The following SI variants were observed in gnomAD, a reference collection of about 807,000 sequenced individuals.
SI encodes sucrase-isomaltase, intestinal.
SI carries 235 observed loss-of-function variants against 253.3 expected under a neutral mutation model. The ratio of observed to expected loss-of-function variants is 0.93; its 90% CI spans 0.83 to 1.03. SI has a LOEUF of 1.03. Ranked by LOEUF, SI falls within the 50% of genes least tolerant of loss-of-function variation. SI has a pLI of 0.00. For missense variants in SI, 2,442 were observed against 2,211.1 expected (o/e 1.10, Z -2.09); for synonymous variants, 819 against 712.0 (o/e 1.15, Z -2.39).
At chr3:165,029,590 G>GTA (rs1235412233) in intron 25 of SI, among the ~76,000 whole-genome samples, 5 of 143,854 alleles carry the variant, frequency 3.5e-5, no homozygotes, top group East Asian at 2.0e-4. Flanking sequence ...ACATATATAT[G>GTA]TATATATATA....
At chr3:165,016,202 T>A in intron 31 of SI, 122 bp from the exon 32 acceptor site, 1 of 813,144 alleles carries the variant, frequency 1.2e-6, no homozygotes, top group Admixed American at 1.9e-5. Context: ...CACTAGATCC[T>A]AAAAAGAATT....
chr3:165,025,407 A>C (rs1711859872), intron 25 of SI, among the ~76,000 whole-genome samples: 1 of 151,220 alleles, frequency 6.6e-6, no homozygotes, highest in African/African-American at 2.4e-5. Flanking sequence ...GGGAAATCTA[A>C]AAATTTGGAA....
intron 2 of SI, 39 bp from the exon 3 acceptor site, chr3:165,074,706 T>C (rs753192847): frequency 6.6e-7 from 1 of 1,508,986 alleles, no homozygotes; most frequent in South Asian, 1.1e-5. Flanking sequence ...AAACATGACA[T>C]TAAATTAATT....
intron 25 of SI, among the ~76,000 whole-genome samples, chr3:165,024,434 G>T (rs1024218964): frequency 3.3e-5 from 5 of 151,230 alleles, no homozygotes; most frequent in African/African-American, 1.2e-4. Flanking sequence ...ATTTTGGAGA[G>T]AAATATTATA....
In SI at chr3:165,059,314, A is replaced by G. The variant is rs1453116578; in HGVS notation, c.1147-15T>C. On this transcript the variant is annotated splice_polypyrimidine_tract_variant and intron_variant, in intron 10 of 47. Transcript: ENST00000264382. ...ACCTGTGTATCCTGAAAGTTAGAAG[A>G]TTGTATTTCAATACATAGTACTGAA... is the stretch of plus-strand genomic sequence containing the variant. 6.2e-7 allele frequency: 1 copy of G among 1,610,524 alleles called. No individual in the cohort carries two copies. The highest frequency in any genetic ancestry group is 1.3e-5 in the African/African-American group (1 of 74,920).
At chr3:165,090,160 AG>A in the SI span, among the ~76,000 whole-genome samples, 66,233 of 132,696 alleles carry the variant, frequency 0.5, 15,472 homozygotes, top group East Asian at 0.79. Flanking sequence ...AAAAAAAAAA[AG>A]AGAGAGAGAG....
At chr3:165,022,158 TG>T (rs1365993054) in intron 26 of SI, among the ~76,000 whole-genome samples, 1 of 151,612 alleles carries the variant, frequency 6.6e-6, no homozygotes, top group African/African-American at 2.4e-5. Flanking sequence ...TTACATGAGT[TG>T]GAATTGCTTT....
At chr3:165,064,569 T>A (rs1714135710) in intron 7 of SI, among the ~76,000 whole-genome samples, 1 of 152,064 alleles carries the variant, frequency 6.6e-6, no homozygotes, top group Non-Finnish European at 1.5e-5. Flanking sequence ...TTTTTTAAAG[T>A]TATGATGTTT....
At chr3:165,006,256 G>C (rs1718504626) in intron 37 of SI, among the ~76,000 whole-genome samples, 1 of 152,006 alleles carries the variant, frequency 6.6e-6, no homozygotes. Flanking sequence ...CCACAGCTCT[G>C]CACCACCACT....
chr3:165,043,425 C>T (rs980790332), intron 16 of SI, among the ~76,000 whole-genome samples: 3 of 151,882 alleles, frequency 2.0e-5, no homozygotes, highest in Non-Finnish European at 2.9e-5. Context: ...ACATTTTACT[C>T]ATTTTTTATT....
At chr3:165,015,277 C>T (rs373185738) in intron 32 of SI, 44 bp from the exon 33 acceptor site, 107 of 1,336,554 alleles carry the variant, frequency 8.0e-5, no homozygotes, top group South Asian at 2.4e-4. Flanking sequence ...ATGAAAAAAG[C>T]GTAACTACTT....
At chr3:165,060,049 A>G (rs1253393620) in intron 9 of SI, 22 bp from the exon 10 acceptor site, 27 of 1,600,328 alleles carry the variant, frequency 1.7e-5, no homozygotes, top group Non-Finnish European at 2.3e-5. Context: ...TGAGCATGTA[A>G]TTAGTTTGAA....
the SI span, among the ~76,000 whole-genome samples, chr3:165,085,699 G>C: frequency 6.6e-6 from 1 of 152,052 alleles, no homozygotes; most frequent in South Asian, 2.1e-4. Context: ...ACTTCTACTG[G>C]ATGCAAAAGT....
At chr3:165,088,240 G>A in the SI span, among the ~76,000 whole-genome samples, 1 of 152,096 alleles carries the variant, frequency 6.6e-6, no homozygotes, top group Non-Finnish European at 1.5e-5. Context: ...CAGCTACTCT[G>A]GAAGCTGAGG....
chr3:165,023,774 A>G lies in SI; in HGVS notation c.2895T>C (p.Gly965=). The G allele has an allele frequency of 2.5e-6, 4 of 1,607,112 alleles. No individual in the cohort carries two copies. Among genetic ancestry groups the G allele is most frequent in the Non-Finnish European group, 3.4e-6 (4 of 1,174,856 alleles). The change falls in exon 26 of 48, where the codon GGT becomes GGC. Residue 965 remains glycine, a splice_region_variant and synonymous_variant. Coordinates refer to ENST00000264382, the MANE Select transcript of SI (RefSeq NM_001041.4). ...ACTCAGGTGCTTTGGATAGAGAAGA[A>G]CCCTAAAAACACAATGCATGTTCAT... The part of the protein sequence containing the change: ...CTQRGCVWRT[G]SSLSKAPECY...
intron 16 of SI, 57 bp from the exon 17 acceptor site, chr3:165,043,232 G>A: frequency 8.6e-7 from 1 of 1,160,046 alleles, no homozygotes. Context: ...TTTGCCTAGA[G>A]CATCACACTG....
chr3:165,085,157 G>T, the SI span, among the ~76,000 whole-genome samples: 5 of 152,044 alleles, frequency 3.3e-5, no homozygotes, highest in Admixed American at 3.3e-4. Flanking sequence ...TTCTATGAAG[G>T]TTTTAACAAT....
chr3:165,059,497 A>C (rs1211268304), intron 10 of SI, among the ~76,000 whole-genome samples, 198 bp from the exon 11 acceptor site: 1 of 152,030 alleles, frequency 6.6e-6, no homozygotes, highest in Non-Finnish European at 1.5e-5. Flanking sequence ...AAAAGCATTA[A>C]GTGATTATTC....
chr3:165,036,454 A>G lies in SI; in HGVS notation c.2450T>C (p.Ile817Thr), dbSNP rs551284637. ...TASRKNPLGL[I>T]VALGENNTAK... is the part of the protein sequence containing the mutation. The stretch of plus-strand genomic sequence containing the variant: ...TGTGTTGTTTTCACCTAATGCGACT[A>G]TAAGTCCTAGAGGATTCTTACGGCT... Residue 817 changes from isoleucine (I) to threonine (T), a missense_variant, in exon 22 of 48, where the codon ATA becomes ACA. Transcript: ENST00000264382. 1.1e-5 allele frequency: 17 copies of G among 1,611,242 alleles called. No individual in the cohort carries two copies. Among genetic ancestry groups the G allele is most frequent in the African/African-American group, 4.0e-5 (3 of 74,922 alleles).
Sources: gnomAD v4.1 joint callset for allele counts (sites outside exome capture counted in the v4.1 genomes callset) on GRCh38, gnomAD v4.1.1 for gene constraint, MANE v1.5 for transcripts, NCBI Gene and HGNC (gene_info 2026-07-23, HGNC 2026-07-21) for gene names.